Variants in TXNRD3 observed in about 807,000 individuals in gnomAD.
TXNRD3 encodes TXNRD3 neighbor gene protein.
TXNRD3 carries 68 observed loss-of-function variants against 78.2 expected under a neutral mutation model. The observed-to-expected ratio is 0.87, with a 90% CI of 0.72 to 1.06. TXNRD3 has a LOEUF of 1.06. Ranked by LOEUF, TXNRD3 falls within the 50% of genes least tolerant of loss-of-function variation. TXNRD3 has a pLI of 0.00. For synonymous variants in TXNRD3, 296 were observed against 300.1 expected, an observed-to-expected ratio of 0.99 and a Z score of 0.14; for missense variants, 751 against 809.5, an observed-to-expected ratio of 0.93 and a Z score of 0.88.
chr3:126,636,807 C>G (rs1218741874), intron 6 of TXNRD3, among the ~76,000 whole-genome samples: 2 of 152,180 alleles, frequency 1.3e-5, no homozygotes, highest in African/African-American at 4.8e-5. Context: ...TTTTCCAGAA[C>G]AGTGTAAATC....
At chr3:126,615,564 T>C (rs1938299463) in intron 12 of TXNRD3, 102 bp from the exon 13 acceptor site, 3 of 517,454 alleles carry the variant, frequency 5.8e-6, no homozygotes, top group Middle Eastern at 1.1e-3. Flanking sequence ...TCCAGTTCAG[T>C]GTAACCAATT....
chr3:126,638,579 T>C (rs548202898), intron 6 of TXNRD3, among the ~76,000 whole-genome samples: 2 of 152,014 alleles, frequency 1.3e-5, no homozygotes, highest in South Asian at 2.1e-4. Context: ...ACTAAAAATA[T>C]AAACATCAGC....
chr3:126,615,490 T>C (rs1326215124), intron 12 of TXNRD3, 28 bp from the exon 13 acceptor site: 1 of 1,240,872 alleles, frequency 8.1e-7, no homozygotes, highest in South Asian at 1.4e-5. Context: ...TACATTGTCT[T>C]ATTTTGTGAA....
At chr3:126,637,653 G>A (rs1170450355) in intron 6 of TXNRD3, among the ~76,000 whole-genome samples, 1 of 151,892 alleles carries the variant, frequency 6.6e-6, no homozygotes, top group South Asian at 2.1e-4. Flanking sequence ...CATAGCATAT[G>A]GAAGAATTTT....
chr3:126,626,906 C>T (rs1198870065), intron 10 of TXNRD3, among the ~76,000 whole-genome samples: 2 of 151,788 alleles, frequency 1.3e-5, no homozygotes, highest in African/African-American at 4.8e-5. Context: ...GCCTGGACAA[C>T]ACAGTGAGAC....
At chr3:126,615,770 C>A (rs2107611075) in intron 12 of TXNRD3, among the ~76,000 whole-genome samples, 1 of 152,286 alleles carries the variant, frequency 6.6e-6, no homozygotes, top group South Asian at 2.1e-4. Flanking sequence ...CCCCTAAAGA[C>A]ACTCTCCAAA....
At chr3:126,638,626 C>T (rs905286037) in intron 6 of TXNRD3, among the ~76,000 whole-genome samples, 7 of 151,948 alleles carry the variant, frequency 4.6e-5, no homozygotes, top group Non-Finnish European at 7.4e-5. Flanking sequence ...CCAAGCTACT[C>T]GGGAGGCTGA....
At chr3:126,634,966 C>T (rs778297006) in intron 6 of TXNRD3, among the ~76,000 whole-genome samples, 4 of 152,186 alleles carry the variant, frequency 2.6e-5, no homozygotes, top group East Asian at 3.9e-4. Context: ...TCAACACACA[C>T]GGCCCTTTCT....
intron 1 of TXNRD3, among the ~76,000 whole-genome samples, chr3:126,653,315 A>C (rs1188774325): frequency 6.6e-6 from 1 of 152,266 alleles, no homozygotes; most frequent in Non-Finnish European, 1.5e-5. Context: ...CTGTATACAT[A>C]ACCAAAGAAT....
intron 13 of TXNRD3, among the ~76,000 whole-genome samples, chr3:126,614,528 A>T (rs1489632576): frequency 6.6e-6 from 1 of 152,248 alleles, no homozygotes; most frequent in Non-Finnish European, 1.5e-5. Context: ...GCTTATTATT[A>T]TATAAACAGT....
rs190927746 is a variant in TXNRD3, at chr3:126,623,219, A to G, written c.1291-679T>C. Among the ~76,000 whole-genome samples the G allele has an allele frequency of 5.3e-5, 8 of 152,352 alleles. No homozygotes were observed. In the East Asian group the frequency reaches 1.5e-3, roughly 29 times the overall value. ...TGAATTCTCAACTTGTAAATTTCTC[A>G]TAAATTAATTCCAGACCCAGACAGC... On this transcript the variant is annotated intron_variant, in intron 10 of 15. Transcript: ENST00000524230.
At chr3:126,627,480 C>T (rs1938606830) in intron 10 of TXNRD3, among the ~76,000 whole-genome samples, 1 of 152,148 alleles carries the variant, frequency 6.6e-6, no homozygotes, top group African/African-American at 2.4e-5. Context: ...ATTACATGAA[C>T]GTGGACATCT....
intron 12 of TXNRD3, among the ~76,000 whole-genome samples, chr3:126,620,169 C>T (rs1938415972): frequency 6.6e-6 from 1 of 152,012 alleles, no homozygotes; most frequent in Non-Finnish European, 1.5e-5. Flanking sequence ...GTGGCAGGCG[C>T]CTGTAGTCCC....
In TXNRD3 at chr3:126,628,589, A is replaced by G. The variant is rs558935591; in HGVS notation, c.1290+790T>C. On this transcript the variant is annotated intron_variant, in intron 10 of 15. Transcript: ENST00000524230. ...CCATTTGTGACTACATATAAATTAC[A>G]TAAGTATCTAGTAATAAATCTAACA... 3.7e-4 allele frequency among the ~76,000 whole-genome samples: 56 copies of G among 152,246 alleles called. 1 individual carries two copies. In the South Asian group the frequency reaches 9.9e-3, roughly 27 times the overall value.
chr3:126,624,424 CT>C (rs34255927), intron 10 of TXNRD3, among the ~76,000 whole-genome samples: 440 of 141,840 alleles, frequency 3.1e-3, no homozygotes, highest in Middle Eastern at 0.011. Flanking sequence ...AATGGTCTTT[CT>C]TTTTTTTTTT....
At chr3:126,642,221 T>C (rs1305446239) in intron 5 of TXNRD3, 70 bp from the exon 6 acceptor site, 1 of 1,448,068 alleles carries the variant, frequency 6.9e-7, no homozygotes, top group Non-Finnish European at 9.1e-7. Flanking sequence ...CATATTATAT[T>C]AAAACATGTG....
At chr3:126,626,709 T>C (rs971988975) in intron 10 of TXNRD3, among the ~76,000 whole-genome samples, 1 of 152,182 alleles carries the variant, frequency 6.6e-6, no homozygotes, top group African/African-American at 2.4e-5. Flanking sequence ...GGCATAATCA[T>C]TGGGAAACTG....
intron 6 of TXNRD3, among the ~76,000 whole-genome samples, chr3:126,636,350 G>A (rs1938863172): frequency 6.6e-6 from 1 of 151,564 alleles, no homozygotes; most frequent in Non-Finnish European, 1.5e-5. Flanking sequence ...TTTTCTATCG[G>A]CCCTTTGTGT....
chr3:126,631,213 AC>A (rs1403624194), intron 8 of TXNRD3, among the ~76,000 whole-genome samples: 3 of 148,002 alleles, frequency 2.0e-5, no homozygotes, highest in Non-Finnish European at 3.0e-5. Flanking sequence ...AAAAAAAAAA[AC>A]CTGTTTGTTT....
Sources: allele counts gnomAD v4.1 joint callset (sites outside exome capture counted in the v4.1 genomes callset), GRCh38; gene constraint gnomAD v4.1.1; transcripts MANE v1.5; gene names NCBI Gene and HGNC (gene_info 2026-07-23, HGNC 2026-07-21).